The following CCSER1 variants were observed in gnomAD, a reference collection of about 807,000 sequenced individuals.
CCSER1 encodes the protein coiled-coil serine rich protein 1.
In CCSER1, 41 loss-of-function variants were observed where a neutral mutation model predicts 82.0. The ratio of observed to expected loss-of-function variants is 0.50; its 90% confidence interval spans 0.39 to 0.65. CCSER1 has a LOEUF of 0.65. CCSER1 is among the 30% of genes least tolerant of loss of function. The pLI is 0.00. For missense variants in CCSER1, 1,119 were observed against 1,064.2 expected (o/e 1.05, Z -0.72); for synonymous variants, 414 against 383.9 (o/e 1.08, Z -0.92).
intron 9 of CCSER1, among the ~76,000 whole-genome samples, chr4:91,072,819 A>C (rs1280879068): frequency 6.6e-6 from 1 of 152,102 alleles, no homozygotes; most frequent in Admixed American, 6.6e-5. Context: ...GGTATAAAAA[A>C]AGTATATAAA....
At chr4:90,185,236 A>T (rs908057128) in intron 1 of CCSER1, among the ~76,000 whole-genome samples, 1 of 152,046 alleles carries the variant, frequency 6.6e-6, no homozygotes, top group African/African-American at 2.4e-5. Context: ...TTCAACCTGC[A>T]TTCATTCAAC....
chr4:90,897,877 G>A (rs1337252885), intron 8 of CCSER1, among the ~76,000 whole-genome samples: 1 of 151,950 alleles, frequency 6.6e-6, no homozygotes, highest in Non-Finnish European at 1.5e-5. Context: ...GATGTTGAAG[G>A]TTTTTTCATA....
At chr4:90,545,776 AAGCT>A (rs1460944992) in intron 5 of CCSER1, among the ~76,000 whole-genome samples, 1 of 152,110 alleles carries the variant, frequency 6.6e-6, no homozygotes. Flanking sequence ...ATTTTTGTAA[AAGCT>A]AGGATAACTT....
At chr4:90,558,508 G>C (rs949087460) in intron 5 of CCSER1, among the ~76,000 whole-genome samples, 2 of 151,880 alleles carry the variant, frequency 1.3e-5, no homozygotes, top group Non-Finnish European at 2.9e-5. Flanking sequence ...AGTGATACTT[G>C]TTTTTGTATT....
chr4:90,580,713 A>C (rs1008322263), intron 5 of CCSER1, among the ~76,000 whole-genome samples: 2 of 152,216 alleles, frequency 1.3e-5, no homozygotes, highest in African/African-American at 4.8e-5. Flanking sequence ...TTTATGTTGC[A>C]AATTATATCT....
intron 4 of CCSER1, among the ~76,000 whole-genome samples, chr4:90,455,698 G>A (rs985856224): frequency 1.3e-5 from 2 of 152,096 alleles, no homozygotes; most frequent in Non-Finnish European, 2.9e-5. Flanking sequence ...AGGTGGGGAG[G>A]CATACCCAAC....
intron 1 of CCSER1, among the ~76,000 whole-genome samples, chr4:90,224,826 C>T (rs554506886): frequency 6.6e-6 from 1 of 152,258 alleles, no homozygotes; most frequent in South Asian, 2.1e-4. Flanking sequence ...AAGGCAGGAT[C>T]ATAATTAGCC....
chr4:90,326,884 A>G (rs768280855), intron 3 of CCSER1, among the ~76,000 whole-genome samples: 7 of 152,200 alleles, frequency 4.6e-5, no homozygotes, highest in Non-Finnish European at 8.8e-5. Context: ...AGCCATCTCA[A>G]TATGAAGCAT....
chr4:91,271,869 C>G (rs1431339674), intron 10 of CCSER1, among the ~76,000 whole-genome samples: 1 of 152,116 alleles, frequency 6.6e-6, no homozygotes, highest in Non-Finnish European at 1.5e-5. Flanking sequence ...ATTCTCCTGC[C>G]TCATCCTCCC....
intron 1 of CCSER1, among the ~76,000 whole-genome samples, chr4:90,147,248 C>T (rs2153346540): frequency 6.8e-6 from 1 of 146,822 alleles, no homozygotes; most frequent in South Asian, 2.2e-4. Context: ...TAATTTTATT[C>T]TCACAACAAC....
intron 10 of CCSER1, among the ~76,000 whole-genome samples, chr4:91,415,984 T>A (rs1298051741): frequency 6.6e-6 from 1 of 152,082 alleles, no homozygotes; most frequent in Non-Finnish European, 1.5e-5. Context: ...ATGGTACTCT[T>A]ATTTTATGTC....
At chr4:90,235,704 TAA>T (rs563567630) in intron 1 of CCSER1, among the ~76,000 whole-genome samples, 2 of 146,740 alleles carry the variant, frequency 1.4e-5, no homozygotes, top group African/African-American at 2.5e-5. Context: ...TGTGCTTTTG[TAA>T]AAAAAAAAAT....
Position 90,622,432 on chromosome 4 carries a change from C to G in CCSER1, c.1725-5593C>G, listed in dbSNP as rs550548740. ...TATCCCTTCCCCTGCCCCAACCCCT[C>G]GACAGGCCCCGGTGCGTGATGTTCC... is the stretch of plus-strand genomic sequence containing the variant. On this transcript the variant is annotated intron_variant, in intron 5 of 10. Transcript: ENST00000509176. 2.6e-5 allele frequency among the ~76,000 whole-genome samples: 4 copies of G among 152,250 alleles called. No individual in the cohort carries two copies. In the South Asian group the frequency reaches 8.3e-4, roughly 32 times the overall value.
chr4:90,455,620 C>T (rs1560543551), intron 4 of CCSER1, among the ~76,000 whole-genome samples: 1 of 152,142 alleles, frequency 6.6e-6, no homozygotes, highest in Non-Finnish European at 1.5e-5. Flanking sequence ...TTCTTCTGAC[C>T]TTATATCCCT....
intron 8 of CCSER1, among the ~76,000 whole-genome samples, chr4:90,913,004 G>A (rs1045861585): frequency 4.6e-5 from 7 of 152,148 alleles, no homozygotes; most frequent in African/African-American, 9.7e-5. Flanking sequence ...GACCAAATCT[G>A]CGTCTGATTG....
chr4:90,975,366 T>C (rs532007464), intron 9 of CCSER1, among the ~76,000 whole-genome samples: 1 of 151,464 alleles, frequency 6.6e-6, no homozygotes, highest in Non-Finnish European at 1.5e-5. Flanking sequence ...TATGGATATG[T>C]TAATTTGCTT....
chr4:91,246,669 G>A (rs1217360340), intron 10 of CCSER1, among the ~76,000 whole-genome samples: 1 of 152,110 alleles, frequency 6.6e-6, no homozygotes, highest in Non-Finnish European at 1.5e-5. Flanking sequence ...AATGGATAAA[G>A]AAAATGTGGT....
intron 1 of CCSER1, among the ~76,000 whole-genome samples, chr4:90,190,371 G>T (rs760601417): frequency 1.3e-5 from 2 of 152,100 alleles, no homozygotes; most frequent in East Asian, 3.9e-4. Context: ...CAACACAGTA[G>T]TTGTTTCTTG....
intron 10 of CCSER1, among the ~76,000 whole-genome samples, chr4:91,248,867 A>G (rs1740030951): frequency 6.6e-6 from 1 of 152,168 alleles, no homozygotes; most frequent in Non-Finnish European, 1.5e-5. Flanking sequence ...ATTCTATACT[A>G]CCTTTACAAT....
Sources: allele counts gnomAD v4.1 joint callset (sites outside exome capture counted in the v4.1 genomes callset), GRCh38; gene constraint gnomAD v4.1.1; transcripts MANE v1.5; gene names NCBI Gene and HGNC (gene_info 2026-07-23, HGNC 2026-07-21).